Variants in WWOX observed in about 807,000 individuals in gnomAD.
WWOX encodes WW domain-containing oxidoreductase.
WWOX carries 69 observed loss-of-function variants against 46.2 expected under a neutral mutation model. That is an observed-to-expected ratio of 1.49 (90% confidence interval 1.23 to 1.82). WWOX has a LOEUF of 1.82. Ranked by LOEUF, WWOX falls within the 40% of genes most tolerant of loss-of-function variation. The probability of loss-of-function intolerance (pLI) is 0.00; values close to 1 mark genes in which losing one functional copy is unlikely to be tolerated. For synonymous variants in WWOX, 359 were observed against 202.6 expected (o/e 1.77, Z -6.56); for missense variants, 919 against 542.6 (o/e 1.69, Z -6.89).
intron 8 of WWOX, among the ~76,000 whole-genome samples, chr16:78,445,351 CTTG>C (rs1244596525): frequency 6.6e-6 from 1 of 152,186 alleles, no homozygotes; most frequent in Non-Finnish European, 1.5e-5. Context: ...GTCACAAGAT[CTTG>C]TTGATGTGCA....
intron 7 of WWOX, among the ~76,000 whole-genome samples, chr16:78,428,677 A>G (rs1458024750): frequency 6.6e-6 from 1 of 152,190 alleles, no homozygotes; most frequent in Non-Finnish European, 1.5e-5. Context: ...CTTCTGTGTT[A>G]TCCTTAAATA....
At chr16:78,651,938 G>T (rs904587162) in intron 8 of WWOX, among the ~76,000 whole-genome samples, 3 of 152,096 alleles carry the variant, frequency 2.0e-5, no homozygotes, top group African/African-American at 7.2e-5. Flanking sequence ...GCAATGGCAG[G>T]CACAGGGATG....
intron 8 of WWOX, among the ~76,000 whole-genome samples, chr16:79,082,580 T>G (rs1019341795): frequency 6.6e-6 from 1 of 152,166 alleles, no homozygotes; most frequent in Non-Finnish European, 1.5e-5. Context: ...TATCACTGTT[T>G]CATGAAACAC....
At chr16:78,388,961 CT>C (rs1286672340) in intron 6 of WWOX, among the ~76,000 whole-genome samples, 2 of 134,896 alleles carry the variant, frequency 1.5e-5, no homozygotes, top group Non-Finnish European at 3.4e-5. Context: ...AAGAGCAAAA[CT>C]CTGTCTCAAA....
chr16:79,095,598 A>T (rs187047593), intron 8 of WWOX, among the ~76,000 whole-genome samples: 1 of 152,194 alleles, frequency 6.6e-6, no homozygotes, highest in African/African-American at 2.4e-5. Context: ...ACATTTAGTT[A>T]TCACTCATCT....
At position 78,978,443 on chromosome 16, in the gene WWOX, C is replaced by G. The variant is rs1194080769; in HGVS notation, c.1057-233165C>G. Among the ~76,000 whole-genome samples, 7 of 152,200 alleles carry G rather than the reference C, an allele frequency of 4.6e-5. 1 individual carries two copies. The highest frequency in any genetic ancestry group is 8.8e-5 in the Non-Finnish European group (6 of 68,042). On this transcript the variant is annotated intron_variant, in intron 8 of 8. Transcript: ENST00000566780. The stretch of plus-strand genomic sequence containing the variant: ...TTTCCACAGTGGCTGCACCATGTTG[C>G]ATTCCCACCAGCGAAGTGCAGGGGT...
chr16:78,476,305 A>C (rs540569450), intron 8 of WWOX, among the ~76,000 whole-genome samples: 3 of 152,202 alleles, frequency 2.0e-5, no homozygotes, highest in Non-Finnish European at 4.4e-5. Flanking sequence ...TCCTTCGCCC[A>C]CTTGGGTGGA....
intron 8 of WWOX, among the ~76,000 whole-genome samples, chr16:78,679,873 T>C (rs1353682356): frequency 6.6e-6 from 1 of 152,208 alleles, no homozygotes; most frequent in African/African-American, 2.4e-5. Context: ...CGCATTTGCT[T>C]AGGTGGGCTC....
chr16:78,890,278 A>T (rs1403617423), intron 8 of WWOX: 5 of 150,952 alleles, frequency 3.3e-5, no homozygotes, highest in African/African-American at 7.5e-5. Context: ...AATAAATAAA[A>T]GCCCCATTTT....
chr16:79,028,636 G>T (rs1015476378), intron 8 of WWOX, among the ~76,000 whole-genome samples: 3 of 151,218 alleles, frequency 2.0e-5, no homozygotes, highest in Admixed American at 6.6e-5. Flanking sequence ...GGTATGTTTT[G>T]GGGGGAAAAA....
At chr16:78,126,845 C>T (rs966154448) in intron 4 of WWOX, among the ~76,000 whole-genome samples, 18 of 152,184 alleles carry the variant, frequency 1.2e-4, no homozygotes, top group African/African-American at 4.3e-4. Context: ...CCCAAGATGA[C>T]ACAGTAGGCA....
chr16:78,711,522 T>C (rs1374768615), intron 8 of WWOX, among the ~76,000 whole-genome samples: 1 of 152,164 alleles, frequency 6.6e-6, no homozygotes, highest in African/African-American at 2.4e-5. Context: ...TCTAGAATAA[T>C]AGTTTGAAAG....
intron 8 of WWOX, among the ~76,000 whole-genome samples, chr16:78,462,836 C>T (rs928891271): frequency 3.9e-5 from 6 of 152,228 alleles, no homozygotes; most frequent in Non-Finnish European, 2.9e-5. Context: ...GGGGCAGCCA[C>T]ATAGACAACA....
At chr16:78,296,335 G>C (rs1239922613) in intron 5 of WWOX, among the ~76,000 whole-genome samples, 1 of 151,614 alleles carries the variant, frequency 6.6e-6, no homozygotes, top group Non-Finnish European at 1.5e-5. Context: ...ATGTAACTTA[G>C]TCTTATTATT....
At chr16:79,116,315 C>A (rs1020539843) in intron 8 of WWOX, among the ~76,000 whole-genome samples, 1 of 152,200 alleles carries the variant, frequency 6.6e-6, no homozygotes, top group Non-Finnish European at 1.5e-5. Context: ...GTAGCATGCA[C>A]TGCCGTTTGA....
At chr16:78,184,184 T>G (rs4888759) in intron 5 of WWOX, among the ~76,000 whole-genome samples, 23,204 of 151,994 alleles carry the variant, frequency 0.15, 2,021 homozygotes, top group Non-Finnish European at 0.2. Context: ...GGAGGATTTT[T>G]AAAAAGCAGG....
At chr16:78,710,653 C>T (rs2048425836) in intron 8 of WWOX, among the ~76,000 whole-genome samples, 1 of 150,398 alleles carries the variant, frequency 6.6e-6, no homozygotes, top group Admixed American at 6.7e-5. Context: ...CTTGCTCTGT[C>T]ACTCAGGCTG....
At chr16:78,371,482 C>T (rs914589491) in intron 5 of WWOX, among the ~76,000 whole-genome samples, 1 of 152,096 alleles carries the variant, frequency 6.6e-6, no homozygotes, top group Non-Finnish European at 1.5e-5. Context: ...GGTTTATACT[C>T]TTTTAATGGT....
chr16:78,544,693 C>G (rs1208375941), intron 8 of WWOX, among the ~76,000 whole-genome samples: 1 of 150,716 alleles, frequency 6.6e-6, no homozygotes, highest in Non-Finnish European at 1.5e-5. Context: ...GGCAACAGAG[C>G]CAGACCATCC....
Sources: allele counts gnomAD v4.1 joint callset (sites outside exome capture counted in the v4.1 genomes callset), GRCh38; gene constraint gnomAD v4.1.1; transcripts MANE v1.5; gene names NCBI Gene and HGNC (gene_info 2026-07-23, HGNC 2026-07-21).